Variants in CDH22 observed in about 807,000 individuals in gnomAD.
CDH22 encodes the protein cadherin-22.
CDH22 carries 30 observed loss-of-function variants against 58.4 expected under a neutral mutation model. That is an observed-to-expected ratio of 0.51 (90% confidence interval 0.38 to 0.70). The LOEUF is 0.70. Among genes scored for constraint, CDH22 ranks in the 30% least tolerant of loss-of-function variants. The pLI is 0.00. For synonymous variants in CDH22, 513 were observed against 558.2 expected, an observed-to-expected ratio of 0.92 and a Z score of 1.14; for missense variants, 1,014 against 1,233.9, an observed-to-expected ratio of 0.82 and a Z score of 2.67.
intron 3 of CDH22, among the ~76,000 whole-genome samples, chr20:46,233,223 CA>C (rs1307731209): frequency 6.6e-6 from 1 of 152,088 alleles, no homozygotes; most frequent in African/African-American, 2.4e-5. Context: ...CCAGAGTCTC[CA>C]GGGAACGTGA....
At chr20:46,214,076 C>T (rs1286586772) in intron 5 of CDH22, among the ~76,000 whole-genome samples, 1 of 151,930 alleles carries the variant, frequency 6.6e-6, no homozygotes, top group Non-Finnish European at 1.5e-5. Flanking sequence ...GGGGAGGGAG[C>T]GAGCCAAGCA....
At chr20:46,223,133 A>C (rs1037902719) in intron 4 of CDH22, among the ~76,000 whole-genome samples, 6 of 152,042 alleles carry the variant, frequency 3.9e-5, no homozygotes, top group Admixed American at 3.9e-4. Flanking sequence ...AACTCCTTCA[A>C]CTGCCTTGCC....
chr20:46,248,651 C>A lies in CDH22; in HGVS notation c.255+2389G>T, dbSNP rs1980790369. Among the ~76,000 whole-genome samples the A allele has an allele frequency of 2.0e-5, 3 of 152,184 alleles. 1 individual carries two copies. Among genetic ancestry groups the A allele is most frequent in the South Asian group, 4.1e-4 (2 of 4,824 alleles). ...CAGACTGGCCAACATGGTGAAACCT[C>A]ATCTCTACTAAAAATACAAAAATTA... On this transcript the variant is annotated intron_variant, in intron 2 of 11. Coordinates refer to ENST00000537909, the MANE Select transcript of CDH22 (RefSeq NM_021248.3).
At chr20:46,302,389 C>T (rs192031859) in intron 1 of CDH22, among the ~76,000 whole-genome samples, 8 of 152,136 alleles carry the variant, frequency 5.3e-5, no homozygotes, top group East Asian at 3.9e-4. Flanking sequence ...AAAAATGTCT[C>T]GAGACATTGC....
intron 2 of CDH22, among the ~76,000 whole-genome samples, chr20:46,242,756 C>T (rs1253716149): frequency 1.3e-5 from 2 of 152,126 alleles, no homozygotes; most frequent in Non-Finnish European, 2.9e-5. Flanking sequence ...ACAACTGTAC[C>T]AGTTTGTACT....
chr20:46,295,993 C>G (rs1027006504), intron 1 of CDH22, among the ~76,000 whole-genome samples: 1 of 152,130 alleles, frequency 6.6e-6, no homozygotes, highest in East Asian at 1.9e-4. Flanking sequence ...AAACTCCTGG[C>G]CTCAAGTGAT....
intron 7 of CDH22, among the ~76,000 whole-genome samples, chr20:46,203,069 T>C (rs556406235): frequency 6.6e-6 from 1 of 152,248 alleles, no homozygotes; most frequent in South Asian, 2.1e-4. Context: ...CCTGTTTTTC[T>C]CTTTTGTTCT....
intron 8 of CDH22, among the ~76,000 whole-genome samples, chr20:46,190,980 C>T (rs1036729983): frequency 6.6e-6 from 1 of 152,154 alleles, no homozygotes; most frequent in Non-Finnish European, 1.5e-5. Flanking sequence ...ACTGGACAAT[C>T]TGGAACTGAA....
chr20:46,278,169 C>G (rs2086530165), intron 1 of CDH22, among the ~76,000 whole-genome samples: 1 of 150,752 alleles, frequency 6.6e-6, no homozygotes, highest in Non-Finnish European at 1.5e-5. Flanking sequence ...GGCTCCTAGG[C>G]ACTCCCTCTG....
intron 3 of CDH22, among the ~76,000 whole-genome samples, chr20:46,231,467 G>A (rs966340664): frequency 6.6e-6 from 1 of 152,108 alleles, no homozygotes; most frequent in Non-Finnish European, 1.5e-5. Flanking sequence ...AGTGTCTCTC[G>A]GTCTAAAAAC....
At position 46,174,541 on chromosome 20, in the gene CDH22, C is replaced by T. The variant is rs905161469; in HGVS notation, c.2452G>A (p.Gly818Ser). ...RFRPLAALYA[G>S]HRGDDEAQAS is the part of the protein sequence containing the mutation. ...TGGGCCTCGTCGTCCCCGCGGTGGC[C>T]GGCGTAGAGCGCGGCCAGGGGCCGG... The change falls in exon 12 of 12, where the codon GGC becomes AGC. Residue 818 changes from glycine (G) to serine (S), a missense_variant. Gly to Ser is a moderately conservative substitution (Grantham distance 56). Transcript: ENST00000537909. The surrounding 1 kb of genome is among the most constrained non-coding windows in gnomAD (Gnocchi z 4.4). 2.0e-6 allele frequency: 3 copies of T among 1,521,252 alleles called. No homozygotes were observed. The highest frequency in any genetic ancestry group is 4.0e-5 in the Admixed American group (2 of 49,838). 94.2% of individuals were successfully genotyped at this position (1,521,252 alleles called of 1,614,324 possible).
Position 46,213,029 on chromosome 20 carries a change from C to A in CDH22, c.998G>T (p.Ser333Ile). 6.2e-7 allele frequency: 1 copy of A among 1,614,214 alleles called. No individual in the cohort carries two copies. Among genetic ancestry groups the A allele is most frequent in the South Asian group, 1.1e-5 (1 of 91,086 alleles). The change falls in exon 6 of 12, where the codon AGC becomes ATC. Residue 333 changes from serine (S) to isoleucine (I), a missense_variant. Physicochemically the swap from Ser to Ile is moderately radical, Grantham distance 142 (BLOSUM62 -2). Around this residue, in one of 2 missense-constraint regions of CDH22, gnomAD observed 806 missense variants for 1,038.7 expected, o/e 0.78. Transcript: ENST00000537909. Reference protein sequence around the residue: ...GGDVFKVTTDSDTQEAIIVVQ... With the variant: ...GGDVFKVTTDIDTQEAIIVVQ... Reference sequence around the variant, plus strand: ...TACGATGATGGCCTCCTGAGTGTCGCTGTCTGTGGTGACCTTGAACACATC... The same window carrying A: ...TACGATGATGGCCTCCTGAGTGTCGATGTCTGTGGTGACCTTGAACACATC...
intron 3 of CDH22, among the ~76,000 whole-genome samples, chr20:46,229,484 G>A (rs2086203925): frequency 6.6e-6 from 1 of 152,138 alleles, no homozygotes; most frequent in Non-Finnish European, 1.5e-5. Flanking sequence ...AACCAGCGAT[G>A]GCACTGCCAC....
chr20:46,187,428 C>T (rs1395351487), intron 8 of CDH22, among the ~76,000 whole-genome samples: 1 of 151,998 alleles, frequency 6.6e-6, no homozygotes, highest in African/African-American at 2.4e-5. Flanking sequence ...ATCACCACTG[C>T]CATCACCACC....
chr20:46,288,505 C>T (rs1292922632), intron 1 of CDH22, among the ~76,000 whole-genome samples: 1 of 152,136 alleles, frequency 6.6e-6, no homozygotes, highest in Non-Finnish European at 1.5e-5. Flanking sequence ...AGATGTCTGC[C>T]CAAAACCCAA....
rs749350713 is a variant in CDH22 at position 46,174,787 on chromosome 20, C to T, written c.2206G>A (p.Gly736Arg). The T allele has an allele frequency of 8.7e-6, 13 of 1,500,592 alleles. No individual in the cohort carries two copies. The highest frequency in any genetic ancestry group is 8.0e-6 in the Non-Finnish European group (9 of 1,131,546). 93.0% of individuals were successfully genotyped at this position (1,500,592 alleles called of 1,614,324 possible). ...LPSERHSLPQ[G>R]PPSPEPDFSV... ...AAGTCTGGCTCGGGGCTCGGCGGCCCCTGCGGCAGCGAGTGGCGCTCGGAG... is the reference window on the plus strand; with the variant it reads ...AAGTCTGGCTCGGGGCTCGGCGGCCTCTGCGGCAGCGAGTGGCGCTCGGAG... Residue 736 changes from glycine (G) to arginine (R), a missense_variant, in exon 12 of 12, where the codon GGG (glycine) becomes AGG (arginine). Gly to Arg is a moderately radical substitution (Grantham distance 125). Coordinates refer to ENST00000537909, the MANE Select transcript of CDH22 (RefSeq NM_021248.3). This position sits in a 1 kb window ranked among gnomAD's most constrained non-coding sequence, Gnocchi z 4.4.
rs34088735 is a variant in CDH22 at position 46,235,230 on chromosome 20, A to G, written c.550+5733T>C. 7.7e-3 allele frequency among the ~76,000 whole-genome samples: 1,179 copies of G among 152,352 alleles called. 19 individuals are homozygous for G. The highest frequency in any genetic ancestry group is 0.027 in the Admixed American group (409 of 15,294). ...AGTGTCTTGCACAAGATTGGCATGA[A>G]TAAGTAGGAGGAGTTGAGCTGGGTG... On this transcript the variant is annotated intron_variant, in intron 3 of 11. Coordinates refer to ENST00000537909, the MANE Select transcript of CDH22 (RefSeq NM_021248.3).
chr20:46,269,449 G>C (rs1392735286), intron 1 of CDH22, among the ~76,000 whole-genome samples: 1 of 152,202 alleles, frequency 6.6e-6, no homozygotes, highest in Non-Finnish European at 1.5e-5. Context: ...TCAAGTGCTT[G>C]ATAACCACCA....
chr20:46,260,825 G>A (rs1413407843), intron 1 of CDH22, among the ~76,000 whole-genome samples: 1 of 152,140 alleles, frequency 6.6e-6, no homozygotes, highest in Non-Finnish European at 1.5e-5. Flanking sequence ...CTGGCTTTCC[G>A]CCTATGGACA....
Sources: allele counts gnomAD v4.1 joint callset (sites outside exome capture counted in the v4.1 genomes callset), GRCh38; gene constraint gnomAD v4.1.1; regional missense constraint gnomAD v4.1.1; non-coding constraint Gnocchi (gnomAD v3.1); transcripts MANE v1.5; gene names NCBI Gene and HGNC (gene_info 2026-07-23, HGNC 2026-07-21).